SMYD3: variants seen among roughly 807,000 people sequenced by gnomAD.
SMYD3 encodes the protein SET and MYND domain containing 3.
A neutral mutation model predicts 57.7 loss-of-function variants in SMYD3; 36 were observed. The ratio of observed to expected loss-of-function variants is 0.62; its 90% CI spans 0.48 to 0.82. SMYD3 has a LOEUF of 0.82. SMYD3 is among the 40% of genes least tolerant of loss of function. The pLI, the probability that SMYD3 is intolerant of heterozygous loss-of-function variation, is 0.00. For missense variants in SMYD3, 515 were observed against 538.8 expected (o/e 0.96, Z 0.44); for synonymous variants, 211 against 195.0 (o/e 1.08, Z -0.68).
At chr1:246,411,848 A>AGGGG (rs10664591) in intron 1 of SMYD3, among the ~76,000 whole-genome samples, 1 of 141,382 alleles carries the variant, frequency 7.1e-6, no homozygotes, top group Non-Finnish European at 1.5e-5. Flanking sequence ...GGGGGGAGGG[A>AGGGG]TAGCATTAGG....
At chr1:245,918,005 A>G (rs1228995750) in intron 7 of SMYD3, among the ~76,000 whole-genome samples, 3 of 151,916 alleles carry the variant, frequency 2.0e-5, no homozygotes, top group Non-Finnish European at 4.4e-5. Flanking sequence ...TTTGGGAAGG[A>G]CTCTCTCAAG....
At chr1:246,044,173 C>G (rs1032272835) in intron 5 of SMYD3, among the ~76,000 whole-genome samples, 1 of 152,106 alleles carries the variant, frequency 6.6e-6, no homozygotes, top group Non-Finnish European at 1.5e-5. Context: ...TGAACTGATT[C>G]ACAGTGCATT....
intron 2 of SMYD3, among the ~76,000 whole-genome samples, chr1:246,348,060 TTATATATATA>T (rs200573424): frequency 1.2e-5 from 1 of 82,978 alleles, no homozygotes. Context: ...AAAGAAAACG[TTATATATATA>T]TATATATACA....
intron 5 of SMYD3, among the ~76,000 whole-genome samples, chr1:246,062,837 T>C (rs1289383531): frequency 6.6e-6 from 1 of 152,156 alleles, no homozygotes. Flanking sequence ...TTGAAAAAAA[T>C]TAGATTTTCC....
At chr1:245,827,836 G>T (rs553896721) in intron 10 of SMYD3, among the ~76,000 whole-genome samples, 1 of 152,160 alleles carries the variant, frequency 6.6e-6, no homozygotes, top group Non-Finnish European at 1.5e-5. Flanking sequence ...TGTGGTTACA[G>T]AGCTAATTAA....
At chr1:246,173,049 C>T (rs1389354488) in intron 5 of SMYD3, among the ~76,000 whole-genome samples, 2 of 149,316 alleles carry the variant, frequency 1.3e-5, no homozygotes, top group African/African-American at 2.5e-5. Flanking sequence ...ATCAACACCG[C>T]ACACTTAGGC....
intron 10 of SMYD3, among the ~76,000 whole-genome samples, chr1:245,798,274 T>G (rs1345018694): frequency 6.6e-6 from 1 of 151,278 alleles, no homozygotes; most frequent in East Asian, 2.0e-4. Flanking sequence ...GCCCCTTCCC[T>G]ACCCTCAAAA....
At chr1:246,249,520 GTTTTTTTTGTA>G (rs1558348961) in intron 5 of SMYD3, among the ~76,000 whole-genome samples, 1 of 96,920 alleles carries the variant, frequency 1.0e-5, no homozygotes, top group East Asian at 1.4e-3. Context: ...CTAGTTTTTT[GTTTTTTTTGTA>G]TTTTTTTTTG....
At chr1:246,260,656 C>G (rs966725197) in intron 5 of SMYD3, among the ~76,000 whole-genome samples, 2 of 152,030 alleles carry the variant, frequency 1.3e-5, no homozygotes, top group Non-Finnish European at 2.9e-5. Context: ...TGGTCTCGAT[C>G]TCTTGACCTC....
rs144751686 is a variant in SMYD3, at chr1:245,926,448, C to T, written c.702+1483G>A. 1.5e-4 allele frequency among the ~76,000 whole-genome samples: 23 copies of T among 152,216 alleles called. No homozygotes were observed. The East Asian group carries it at 4.3e-3, about 28-fold the overall frequency. Reference sequence around the variant, plus strand: ...TTCTTTTTGTTGAGAAGATGCCTTGCTAAGTACCACAGGGAAAAATATCTG... The same window carrying T: ...TTCTTTTTGTTGAGAAGATGCCTTGTTAAGTACCACAGGGAAAAATATCTG... On this transcript the variant is annotated intron_variant, in intron 7 of 11. Coordinates refer to ENST00000490107, the MANE Select transcript of SMYD3 (RefSeq NM_001167740.2).
chr1:246,114,045 T>C (rs2061301963), intron 5 of SMYD3, among the ~76,000 whole-genome samples: 1 of 152,208 alleles, frequency 6.6e-6, no homozygotes. Flanking sequence ...CAGTTTTTCA[T>C]AGTGAAGCCT....
chr1:245,756,167 CATATT>C (rs1290237732), intron 11 of SMYD3, among the ~76,000 whole-genome samples: 1 of 148,734 alleles, frequency 6.7e-6, no homozygotes. Flanking sequence ...CATGTGTATG[CATATT>C]ATATATGTAT....
chr1:246,154,044 C>A (rs932024406), intron 5 of SMYD3, among the ~76,000 whole-genome samples: 1 of 152,132 alleles, frequency 6.6e-6, no homozygotes, highest in Admixed American at 6.5e-5. Context: ...ATGAGTCACT[C>A]CCTCTTCTAC....
At chr1:246,171,953 G>T (rs944760552) in intron 5 of SMYD3, among the ~76,000 whole-genome samples, 5 of 152,212 alleles carry the variant, frequency 3.3e-5, no homozygotes, top group Admixed American at 6.5e-5. Context: ...CGAGGCTACA[G>T]TGAGCCAAGA....
At chr1:246,207,489 C>T (rs1383043488) in intron 5 of SMYD3, among the ~76,000 whole-genome samples, 1 of 151,946 alleles carries the variant, frequency 6.6e-6, no homozygotes, top group East Asian at 1.9e-4. Context: ...TGAAAAAGGT[C>T]AATGGACTGG....
chr1:245,875,529 C>T (rs1464669675), intron 8 of SMYD3, among the ~76,000 whole-genome samples: 1 of 152,192 alleles, frequency 6.6e-6, no homozygotes, highest in Non-Finnish European at 1.5e-5. Flanking sequence ...TCAAATCTGT[C>T]CCCAGCAGTA....
chr1:246,236,718 C>T (rs2063517549), intron 5 of SMYD3, among the ~76,000 whole-genome samples: 1 of 152,136 alleles, frequency 6.6e-6, no homozygotes, highest in Non-Finnish European at 1.5e-5. Flanking sequence ...CCCTATGTTG[C>T]CCAGGCTTGT....
intron 5 of SMYD3, among the ~76,000 whole-genome samples, chr1:246,106,450 A>T (rs1046629248): frequency 9.2e-5 from 14 of 152,102 alleles, no homozygotes; most frequent in African/African-American, 3.4e-4. Context: ...GTGCAAAATT[A>T]TCATGATTTT....
Position 246,500,052 on chromosome 1 carries a change from T to TATGTACC in SMYD3, c.164+7001_164+7002insGGTACAT, listed in dbSNP as rs111827200. On this transcript the variant is annotated intron_variant, in intron 1 of 11. Transcript: ENST00000490107. Reference sequence around the variant, plus strand: ...TGCCTGATAATGCTGGATTCTGCACTACCATCACCACAGACACTGGGCCCT... The same window carrying TATGTACC: ...TGCCTGATAATGCTGGATTCTGCACTATGTACCACCATCACCACAGACACTGGGCCCT... Among the ~76,000 whole-genome samples the TATGTACC allele has an allele frequency of 9.9e-5, 15 of 151,194 alleles. No homozygotes were observed. The East Asian group carries it at 2.8e-3, about 28-fold the overall frequency.
Sources: allele counts gnomAD v4.1 joint callset (sites outside exome capture counted in the v4.1 genomes callset), GRCh38; gene constraint gnomAD v4.1.1; transcripts MANE v1.5; gene names NCBI Gene and HGNC (gene_info 2026-07-23, HGNC 2026-07-21).